The following GRM1 variants were observed in gnomAD, a reference collection of about 807,000 sequenced individuals.
GRM1 encodes the protein metabotropic glutamate receptor 1.
In GRM1, 33 loss-of-function variants were observed where a neutral mutation model predicts 90.9. That is an observed-to-expected ratio of 0.36 (90% CI 0.28 to 0.49). The LOEUF (loss-of-function observed/expected upper bound fraction) is 0.49, where lower values mean the gene tolerates loss of function less well. GRM1 is among the 20% of genes least tolerant of loss of function. The pLI is 0.99. For synonymous variants in GRM1, 700 were observed against 613.2 expected (o/e 1.14, Z -2.09); for missense variants, 1,190 against 1,534.3 (o/e 0.78, Z 3.75).
At chr6:146,321,790 G>A (rs537409036) in intron 3 of GRM1, among the ~76,000 whole-genome samples, 2 of 152,070 alleles carry the variant, frequency 1.3e-5, no homozygotes, top group East Asian at 3.9e-4. Context: ...TGCAACTCCT[G>A]CTCTTTTATT....
intron 2 of GRM1, among the ~76,000 whole-genome samples, chr6:146,173,924 A>G (rs1562509089): frequency 6.6e-6 from 1 of 151,974 alleles, no homozygotes; most frequent in Non-Finnish European, 1.5e-5. Context: ...CCAAAGTGCT[A>G]GGATTACAGG....
chr6:146,196,006 T>C (rs1179115108), intron 2 of GRM1, among the ~76,000 whole-genome samples: 1 of 152,202 alleles, frequency 6.6e-6, no homozygotes, highest in Non-Finnish European at 1.5e-5. Context: ...TAGCATTTTG[T>C]TCAGTTTAGT....
chr6:146,195,495 C>G (rs1562522375), intron 2 of GRM1, among the ~76,000 whole-genome samples: 1 of 152,098 alleles, frequency 6.6e-6, no homozygotes, highest in Non-Finnish European at 1.5e-5. Context: ...TTCTTTTCAC[C>G]CAGCCTTCCT....
chr6:146,043,497 A>G (rs775601955), intron 1 of GRM1, among the ~76,000 whole-genome samples: 3 of 151,908 alleles, frequency 2.0e-5, no homozygotes, highest in Non-Finnish European at 4.4e-5. Context: ...TGCAACTTGT[A>G]TAAATTCATC....
rs545531008 is a variant in GRM1 at position 146,113,668 on chromosome 6, G to A, written c.701-45680G>A. On this transcript the variant is annotated intron_variant, in intron 1 of 7. Transcript: ENST00000282753. ...GGCTAGTGATGTTTTGATGTCTAGA[G>A]CACTGACAGTTTTTCCTCTCCAAAT... Among the ~76,000 whole-genome samples, 83 of 152,218 alleles carry A rather than the reference G, an allele frequency of 5.5e-4. 1 individual carries two copies. The highest frequency in any genetic ancestry group is 9.0e-4 in the Non-Finnish European group (61 of 68,012).
intron 1 of GRM1, among the ~76,000 whole-genome samples, chr6:146,114,489 A>G (rs1775671142): frequency 6.6e-6 from 1 of 152,160 alleles, no homozygotes; most frequent in South Asian, 2.1e-4. Flanking sequence ...CAATTGCAAA[A>G]CCAAACCAAA....
At chr6:146,203,399 C>G (rs1428109437) in intron 2 of GRM1, among the ~76,000 whole-genome samples, 1 of 151,970 alleles carries the variant, frequency 6.6e-6, no homozygotes, top group East Asian at 1.9e-4. Flanking sequence ...CATTAGAGTC[C>G]TCTGTTTCCA....
At chr6:146,314,959 A>G (rs1783915946) in intron 3 of GRM1, among the ~76,000 whole-genome samples, 1 of 152,160 alleles carries the variant, frequency 6.6e-6, no homozygotes, top group South Asian at 2.1e-4. Context: ...CTAGCCTCTT[A>G]CCCAAAGTTA....
At chr6:146,314,258 T>A (rs974021014) in intron 3 of GRM1, among the ~76,000 whole-genome samples, 19 of 150,928 alleles carry the variant, frequency 1.3e-4, no homozygotes, top group African/African-American at 4.6e-4. Flanking sequence ...GTATTTTTAG[T>A]AGAGATGGGG....
At chr6:146,108,023 C>G (rs1175683832) in intron 1 of GRM1, among the ~76,000 whole-genome samples, 4 of 152,142 alleles carry the variant, frequency 2.6e-5, no homozygotes, top group Non-Finnish European at 4.4e-5. Context: ...TTTCAGAGTG[C>G]TTTCAAATAT....
chr6:146,070,389 A>C (rs1325107744), intron 1 of GRM1, among the ~76,000 whole-genome samples: 1 of 152,152 alleles, frequency 6.6e-6, no homozygotes, highest in South Asian at 2.1e-4. Context: ...CGCTTTATAT[A>C]AGATTTATGA....
intron 1 of GRM1, among the ~76,000 whole-genome samples, chr6:146,154,600 TAAG>T (rs968716344): frequency 2.6e-5 from 4 of 152,148 alleles, no homozygotes; most frequent in African/African-American, 9.7e-5. Flanking sequence ...AAAAAGGAAA[TAAG>T]AAAGCTTCTT....
chr6:146,214,525 A>T (rs1439827532), intron 2 of GRM1, among the ~76,000 whole-genome samples: 1 of 152,178 alleles, frequency 6.6e-6, no homozygotes. Flanking sequence ...AAGTAAAATC[A>T]GGTGGGAGCT....
intron 3 of GRM1, among the ~76,000 whole-genome samples, chr6:146,324,733 C>T (rs1413999209): frequency 6.6e-6 from 1 of 152,138 alleles, no homozygotes; most frequent in African/African-American, 2.4e-5. Context: ...CCTGCTTCAA[C>T]TCACCCCCCG....
chr6:146,259,022 ACTCCTGGGGCTG>A (rs1781586231), intron 2 of GRM1, among the ~76,000 whole-genome samples: 1 of 152,038 alleles, frequency 6.6e-6, no homozygotes, highest in Non-Finnish European at 1.5e-5. Context: ...GCCTGGCTGT[ACTCCTGGGGCTG>A]GCAAAGACTT....
At chr6:146,108,593 T>C (rs1342274894) in intron 1 of GRM1, among the ~76,000 whole-genome samples, 1 of 152,124 alleles carries the variant, frequency 6.6e-6, no homozygotes, top group Non-Finnish European at 1.5e-5. Flanking sequence ...ATCAGCAGCA[T>C]GAAAAATGGA....
chr6:146,392,721 T>G (rs1358447698), intron 6 of GRM1, among the ~76,000 whole-genome samples: 1 of 152,122 alleles, frequency 6.6e-6, no homozygotes, highest in Non-Finnish European at 1.5e-5. Context: ...GCGTATGATG[T>G]TCCCCTCGCT....
intron 1 of GRM1, among the ~76,000 whole-genome samples, chr6:146,153,333 C>T (rs779959236): frequency 4.6e-5 from 7 of 152,166 alleles, no homozygotes; most frequent in Admixed American, 6.6e-5. Flanking sequence ...TTGCATCTAA[C>T]ACTGTTGTCA....
At chr6:146,227,678 T>G (rs555403785) in intron 2 of GRM1, among the ~76,000 whole-genome samples, 2 of 152,282 alleles carry the variant, frequency 1.3e-5, no homozygotes, top group South Asian at 4.1e-4. Flanking sequence ...AGATACCAAT[T>G]AAATAAATTG....
Sources: gnomAD v4.1 joint callset for allele counts (sites outside exome capture counted in the v4.1 genomes callset) on GRCh38, gnomAD v4.1.1 for gene constraint, MANE v1.5 for transcripts, NCBI Gene and HGNC (gene_info 2026-07-23, HGNC 2026-07-21) for gene names.